NALCN: variants seen among roughly 807,000 people sequenced by gnomAD.
The protein encoded by NALCN is sodium leak channel, non-selective.
In NALCN, 111 loss-of-function variants were observed where a neutral mutation model predicts 225.3. That is an observed-to-expected ratio of 0.49 (90% confidence interval 0.42 to 0.58). The LOEUF (loss-of-function observed/expected upper bound fraction) is 0.58, where lower values mean the gene tolerates loss of function less well. Among genes scored for constraint, NALCN ranks in the 20% least tolerant of loss-of-function variants. The pLI is 0.00. For synonymous variants in NALCN, 764 were observed against 769.0 expected (o/e 0.99, Z 0.11); for missense variants, 1,378 against 2,202.4 (o/e 0.63, Z 7.49).
At chr13:101,358,387 G>T (rs375378259) in intron 6 of NALCN, among the ~76,000 whole-genome samples, 10 of 152,002 alleles carry the variant, frequency 6.6e-5, no homozygotes, top group Admixed American at 3.9e-4. Flanking sequence ...GTGAACAAAG[G>T]ATATGAACAG....
At chr13:101,103,962 C>CT (rs879640670) in intron 25 of NALCN, among the ~76,000 whole-genome samples, 13 of 146,244 alleles carry the variant, frequency 8.9e-5, no homozygotes, top group Admixed American at 1.4e-4. Context: ...ATGAGGCAAA[C>CT]TTTTTTTTTT....
chr13:101,125,818 T>C (rs2036201512), intron 17 of NALCN, among the ~76,000 whole-genome samples: 1 of 152,140 alleles, frequency 6.6e-6, no homozygotes, highest in Non-Finnish European at 1.5e-5. Flanking sequence ...AGGACTGAAG[T>C]GGACATGTGT....
chr13:101,338,968 T>G (rs1419072042), intron 7 of NALCN, among the ~76,000 whole-genome samples: 1 of 152,186 alleles, frequency 6.6e-6, no homozygotes, highest in Non-Finnish European at 1.5e-5. Flanking sequence ...GTGGGTAAAA[T>G]GTATGACTGC....
At position 101,151,134 on chromosome 13, in the gene NALCN, G is replaced by A. The variant is rs1485656880; in HGVS notation, c.1840-6238C>T. ...CGTCTAAGCTCAGTGCTATTCTACG[G>A]CTCAGCATCTGCCTGGCTGAGATAT... is the stretch of plus-strand genomic sequence containing the variant. On this transcript the variant is annotated intron_variant, in intron 15 of 43. Coordinates refer to ENST00000251127, the MANE Select transcript of NALCN (RefSeq NM_052867.4). 7.2e-5 allele frequency among the ~76,000 whole-genome samples: 11 copies of A among 152,208 alleles called. No individual in the cohort carries two copies. In the East Asian group the frequency reaches 2.1e-3, roughly 29 times the overall value.
chr13:101,381,780 T>C (rs9585682), intron 3 of NALCN, among the ~76,000 whole-genome samples: 1 of 151,870 alleles, frequency 6.6e-6, no homozygotes, highest in Non-Finnish European at 1.5e-5. Context: ...ACAAGTGTCA[T>C]GAAGAAAAAT....
At chr13:101,265,006 T>C (rs2042551882) in intron 10 of NALCN, among the ~76,000 whole-genome samples, 2 of 152,170 alleles carry the variant, frequency 1.3e-5, no homozygotes, top group African/African-American at 4.8e-5. Context: ...CTCCAGAGTC[T>C]CCCAAAGCAA....
chr13:101,080,617 T>A (rs574254880), intron 34 of NALCN, among the ~76,000 whole-genome samples: 49,121 of 144,488 alleles, frequency 0.34, 9,100 homozygotes, highest in East Asian at 0.57. Flanking sequence ...ATATAATCAA[T>A]TAAATTAATT....
intron 17 of NALCN, among the ~76,000 whole-genome samples, chr13:101,135,380 T>G (rs1426110157): frequency 1.3e-5 from 2 of 152,190 alleles, no homozygotes; most frequent in African/African-American, 4.8e-5. Context: ...TTTAACCTGT[T>G]TGTGAATTTA....
At chr13:101,236,827 G>A (rs1188751592) in intron 12 of NALCN, among the ~76,000 whole-genome samples, 1 of 151,072 alleles carries the variant, frequency 6.6e-6, no homozygotes, top group Non-Finnish European at 1.5e-5. Context: ...TGACGAGTTA[G>A]TGGGTGCAGC....
intron 11 of NALCN, among the ~76,000 whole-genome samples, chr13:101,250,735 TA>T (rs1252480643): frequency 6.6e-6 from 1 of 151,834 alleles, no homozygotes; most frequent in Non-Finnish European, 1.5e-5. Flanking sequence ...CTTACAGTGT[TA>T]AAATTAATAA....
intron 13 of NALCN, among the ~76,000 whole-genome samples, chr13:101,209,438 G>A (rs560802995): frequency 2.6e-5 from 4 of 152,156 alleles, no homozygotes; most frequent in Non-Finnish European, 5.9e-5. Context: ...TGGGAAACAT[G>A]AGTGTCCTCA....
chr13:101,074,809 ATCAC>A, intron 35 of NALCN, 147 bp from the exon 36 acceptor site: 1 of 951,952 alleles, frequency 1.1e-6, no homozygotes, highest in East Asian at 2.6e-5. Context: ...TTGGCTCAAA[ATCAC>A]TCTTAGGTGT....
intron 27 of NALCN, among the ~76,000 whole-genome samples, chr13:101,097,983 C>T (rs1336277460): frequency 1.3e-5 from 2 of 152,120 alleles, no homozygotes; most frequent in Non-Finnish European, 2.9e-5. Context: ...ATTAAGTGAC[C>T]AGACCAGGCC....
At chr13:101,064,023 T>A (rs1171055677) in intron 40 of NALCN, among the ~76,000 whole-genome samples, 1 of 152,212 alleles carries the variant, frequency 6.6e-6, no homozygotes, top group Non-Finnish European at 1.5e-5. Context: ...ACGGCAGTGA[T>A]AAAGTAACAT....
At chr13:101,140,301 C>G (rs1162048095) in intron 17 of NALCN, among the ~76,000 whole-genome samples, 1 of 152,158 alleles carries the variant, frequency 6.6e-6, no homozygotes. Context: ...TCCTCCTCAG[C>G]CCGGCACATG....
At chr13:101,318,655 G>A (rs1019496531) in intron 7 of NALCN, among the ~76,000 whole-genome samples, 2 of 152,146 alleles carry the variant, frequency 1.3e-5, no homozygotes, top group Non-Finnish European at 2.9e-5. Flanking sequence ...TTAGTAGGCT[G>A]AAGAGGCTAG....
intron 17 of NALCN, among the ~76,000 whole-genome samples, chr13:101,138,659 G>A (rs968487742): frequency 2.0e-5 from 3 of 152,158 alleles, no homozygotes; most frequent in African/African-American, 7.2e-5. Context: ...CCATCCTCAG[G>A]CCACAGGGCA....
intron 12 of NALCN, among the ~76,000 whole-genome samples, chr13:101,232,226 T>A (rs2041375481): frequency 6.6e-6 from 1 of 152,066 alleles, no homozygotes; most frequent in Admixed American, 6.6e-5. Context: ...TTACTTTGAT[T>A]TAACAGGAAG....
intron 7 of NALCN, among the ~76,000 whole-genome samples, chr13:101,321,220 AC>A (rs2044736697): frequency 6.6e-6 from 1 of 151,006 alleles, no homozygotes; most frequent in Non-Finnish European, 1.5e-5. Flanking sequence ...TAAATAATAG[AC>A]AAAAGTCAAA....
Sources: gnomAD v4.1 joint callset for allele counts (sites outside exome capture counted in the v4.1 genomes callset) on GRCh38, gnomAD v4.1.1 for gene constraint, MANE v1.5 for transcripts, NCBI Gene and HGNC (gene_info 2026-07-23, HGNC 2026-07-21) for gene names.